MLLT1: variants seen among roughly 807,000 people sequenced by gnomAD.
MLLT1 encodes the protein MLLT1 super elongation complex subunit.
MLLT1 carries 11 observed loss-of-function variants against 55.1 expected under a neutral mutation model. The ratio of observed to expected loss-of-function variants is 0.20; its 90% CI spans 0.13 to 0.33. The LOEUF (loss-of-function observed/expected upper bound fraction) is 0.33, where lower values mean the gene tolerates loss of function less well. Ranked by LOEUF, MLLT1 falls within the 10% of genes least tolerant of loss-of-function variation. The pLI is 1.00. For synonymous variants in MLLT1, 323 were observed against 320.1 expected, an observed-to-expected ratio of 1.01 and a Z score of -0.10; for missense variants, 536 against 760.6, an observed-to-expected ratio of 0.70 and a Z score of 3.47.
intron 3 of MLLT1, among the ~76,000 whole-genome samples, chr19:6,261,035 G>GC (rs1422137024): frequency 2.6e-5 from 4 of 152,138 alleles, no homozygotes; most frequent in African/African-American, 9.7e-5. Flanking sequence ...CCCCTCAACC[G>GC]CCCCAAGAGG....
At chr19:6,260,325 T>C (rs1426073349) in intron 3 of MLLT1, among the ~76,000 whole-genome samples, 1 of 152,184 alleles carries the variant, frequency 6.6e-6, no homozygotes, top group African/African-American at 2.4e-5. Context: ...CCCTGGAGTC[T>C]GCATTTCAGA....
intron 3 of MLLT1, among the ~76,000 whole-genome samples, chr19:6,242,313 A>T (rs1359758373): frequency 1.3e-5 from 2 of 152,096 alleles, no homozygotes; most frequent in African/African-American, 4.8e-5. Context: ...GCCCCCCAAC[A>T]CAAGCCACCC....
At chr19:6,232,347 G>A (rs965769152) in intron 3 of MLLT1, among the ~76,000 whole-genome samples, 14 of 152,198 alleles carry the variant, frequency 9.2e-5, no homozygotes, top group African/African-American at 2.7e-4. Context: ...GGACTGAGGA[G>A]TCTCTTCAAC....
chr19:6,232,692 C>A (rs2091023215), intron 3 of MLLT1, among the ~76,000 whole-genome samples: 1 of 152,126 alleles, frequency 6.6e-6, no homozygotes, highest in Admixed American at 6.5e-5. Context: ...TGAGTTGGTA[C>A]CTTGGCGGGT....
At chr19:6,266,252 G>A (rs1372833602) in intron 2 of MLLT1, among the ~76,000 whole-genome samples, 1 of 149,832 alleles carries the variant, frequency 6.7e-6, no homozygotes, top group Non-Finnish European at 1.5e-5. Context: ...CTCCAGTCTG[G>A]GTGGCAGAAT....
At chr19:6,275,048 G>A (rs139211146) in intron 1 of MLLT1, among the ~76,000 whole-genome samples, 2,472 of 152,326 alleles carry the variant, frequency 0.016, 33 homozygotes, top group South Asian at 0.023. Flanking sequence ...GCAAAGAGCC[G>A]CGAGCCAGCC....
intron 10 of MLLT1, 54 bp downstream of exon 10, chr19:6,213,672 T>TTGG: frequency 1.2e-5 from 13 of 1,075,316 alleles, no homozygotes; most frequent in Non-Finnish European, 1.8e-5. Context: ...TGGCTGCAAC[T>TTGG]CCCACCACCC....
At chr19:6,247,876 TTTTGTTTG>T (rs141160792) in intron 3 of MLLT1, among the ~76,000 whole-genome samples, 3 of 147,346 alleles carry the variant, frequency 2.0e-5, no homozygotes, top group Admixed American at 6.7e-5. Context: ...CATTTTGGTG[TTTTGTTTG>T]TTTGTTTGTT....
chr19:6,214,847 G>C (rs58121503), intron 8 of MLLT1, among the ~76,000 whole-genome samples: 3,856 of 152,286 alleles, frequency 0.025, 181 homozygotes, highest in African/African-American at 0.084. Flanking sequence ...GAGCACACCG[G>C]ACTTCCCGGT....
chr19:6,219,818 G>GC lies in MLLT1; in HGVS notation c.1111-1778dup, dbSNP rs1220282945. ...CAGAGAGGATGCTGAGCCCCGAGAG[G>GC]CCCCCAAGCCTGTCCTGGCGCCGTG... On this transcript the variant is annotated intron_variant, in intron 6 of 11. Transcript: ENST00000252674. This position sits in a 1 kb window ranked among gnomAD's most constrained non-coding sequence, Gnocchi z 4.5. Among the ~76,000 whole-genome samples, 3 of 152,238 alleles carry GC rather than the reference G, an allele frequency of 2.0e-5. No homozygotes were observed. The highest frequency in any genetic ancestry group is 2.4e-5 in the African/African-American group (1 of 41,460).
At chr19:6,269,507 G>A (rs934217622) in intron 2 of MLLT1, among the ~76,000 whole-genome samples, 14 of 152,368 alleles carry the variant, frequency 9.2e-5, no homozygotes, top group African/African-American at 3.1e-4. Flanking sequence ...GAGGGAAAGA[G>A]AAGCCGCAGG....
intron 3 of MLLT1, among the ~76,000 whole-genome samples, chr19:6,232,651 T>C (rs2091022688): frequency 6.6e-6 from 1 of 152,166 alleles, no homozygotes; most frequent in Non-Finnish European, 1.5e-5. Context: ...CCCAGCACTT[T>C]GGGAGGCTGA....
chr19:6,265,038 C>CAAAAAAAAAAAAA (rs928827048), intron 2 of MLLT1, among the ~76,000 whole-genome samples: 5 of 21,208 alleles, frequency 2.4e-4, no homozygotes, highest in African/African-American at 5.1e-4. Context: ...TAGTGAACAG[C>CAAAAAAAAAAAAA]AAAAAAAAAA....
At chr19:6,252,032 G>A (rs1354395664) in intron 3 of MLLT1, among the ~76,000 whole-genome samples, 2 of 152,186 alleles carry the variant, frequency 1.3e-5, no homozygotes, top group Non-Finnish European at 2.9e-5. Flanking sequence ...GTTTCCAGAG[G>A]ACACTGGCAT....
intron 5 of MLLT1, among the ~76,000 whole-genome samples, chr19:6,225,767 G>A (rs1010702096): frequency 1.3e-5 from 2 of 152,164 alleles, no homozygotes; most frequent in Admixed American, 1.3e-4. Context: ...ACGCAGCCCC[G>A]CCAGCCCCAG....
Position 6,229,594 on chromosome 19 carries a change from A to G in MLLT1, c.420+976T>C, listed in dbSNP as rs745756879. ...ACCATACGTGCGTGACACACCACAC[A>G]CTTCCCGCAAGTGACACGACACACA... On this transcript the variant is annotated intron_variant, in intron 4 of 11. Transcript: ENST00000252674. This position sits in a 1 kb window ranked among gnomAD's most constrained non-coding sequence, Gnocchi z 5.2. Among the ~76,000 whole-genome samples the G allele has an allele frequency of 9.9e-5, 15 of 151,360 alleles. No homozygotes were observed. The highest frequency in any genetic ancestry group is 1.5e-4 in the Non-Finnish European group (10 of 67,876).
intron 3 of MLLT1, among the ~76,000 whole-genome samples, chr19:6,248,971 G>A (rs1017277478): frequency 5.9e-5 from 9 of 152,224 alleles, no homozygotes; most frequent in Admixed American, 2.6e-4. Context: ...AACCATACTC[G>A]GTTCAGTAAC....
At chr19:6,224,708 C>T (rs1568278671) in intron 5 of MLLT1, among the ~76,000 whole-genome samples, 1 of 152,162 alleles carries the variant, frequency 6.6e-6, no homozygotes, top group Non-Finnish European at 1.5e-5. Flanking sequence ...AAATTAGGCA[C>T]TACGATTTTT....
Position 6,216,412 on chromosome 19 carries a change from C to T in MLLT1, c.1300G>A (p.Asp434Asn). Residue 434 changes from aspartate to asparagine, a missense_variant, in exon 8 of 12, where the codon GAC becomes AAC. Physicochemically the swap from Asp to Asn is conservative, Grantham distance 23. Transcript: ENST00000252674. The part of the protein sequence containing the change: ...EAAGKTNPGR[D>N]SRLSFSDSES... ...CTCCCACCGGGCCGTCACCTGGAGT[C>T]CCTCCCCGGGTTGGTCTTGCCGGCA... The T allele has an allele frequency of 6.2e-7, 1 of 1,605,514 alleles. No homozygotes were observed. Among genetic ancestry groups the T allele is most frequent in the Non-Finnish European group, 8.5e-7 (1 of 1,176,972 alleles).
Sources: allele counts gnomAD v4.1 joint callset (sites outside exome capture counted in the v4.1 genomes callset), GRCh38; gene constraint gnomAD v4.1.1; non-coding constraint Gnocchi (gnomAD v3.1); transcripts MANE v1.5; gene names NCBI Gene and HGNC (gene_info 2026-07-23, HGNC 2026-07-21).